The following TARS1 variants were observed in gnomAD, a reference collection of about 807,000 sequenced individuals.
TARS1 encodes the protein threonine--tRNA ligase 1, cytoplasmic.
A neutral mutation model predicts 97.7 loss-of-function variants in TARS1; 57 were observed. The ratio of observed to expected loss-of-function variants is 0.58; its 90% confidence interval spans 0.47 to 0.73. The LOEUF (loss-of-function observed/expected upper bound fraction) is 0.73, where lower values mean the gene tolerates loss of function less well. TARS1 is among the 30% of genes least tolerant of loss of function. TARS1 has a pLI of 0.00. For missense variants in TARS1, 806 were observed against 888.3 expected (o/e 0.91, Z 1.18); for synonymous variants, 312 against 293.7 (o/e 1.06, Z -0.64).
chr5:33,445,379 G>C lies in TARS1; in HGVS notation c.113G>C (p.Gly38Ala), dbSNP rs376051187. 1.4e-5 allele frequency: 22 copies of C among 1,613,464 alleles called. No homozygotes were observed. The African/African-American group carries it at 2.5e-4, about 19-fold the overall frequency. ...KEGGKKKNKE[G>A]SGDGGRAELN... ...GGAGGCAAAAAGAAGAACAAAGAAG[G>C]ATCTGGAGATGGAGGTCGAGCTGAG... Residue 38 changes from glycine to alanine, a missense_variant, in exon 2 of 19, where the codon GGA (glycine) becomes GCA (alanine). Gly to Ala is a moderately conservative substitution (Grantham distance 60). Around this residue, in one of 3 missense-constraint regions of TARS1, gnomAD observed 356 missense variants for 357.8 expected, o/e 0.99. Coordinates refer to ENST00000265112, the MANE Select transcript of TARS1 (RefSeq NM_152295.5).
chr5:33,461,341 G>T (rs1163557906), intron 13 of TARS1, 46 bp downstream of exon 13: 2 of 1,588,740 alleles, frequency 1.3e-6, no homozygotes, highest in East Asian at 4.5e-5. Flanking sequence ...TTTGAAATTG[G>T]CTTGTTCTGA....
chr5:33,452,120 C>T (rs897815694), intron 3 of TARS1, among the ~76,000 whole-genome samples: 2 of 152,126 alleles, frequency 1.3e-5, no homozygotes, highest in African/African-American at 4.8e-5. Context: ...TTGTTGTAAA[C>T]CCTTAGACAT....
chr5:33,467,242 A>T (rs576373582), intron 18 of TARS1, among the ~76,000 whole-genome samples: 2 of 151,688 alleles, frequency 1.3e-5, no homozygotes, highest in African/African-American at 4.8e-5. Flanking sequence ...ATGAAGACGC[A>T]TTGCTTTTAA....
upstream of TARS1, chr5:33,440,749 C>T (rs1316273345): frequency 6.5e-6 from 3 of 458,824 alleles, no homozygotes; most frequent in Non-Finnish European, 1.2e-5. Flanking sequence ...GCATTGGGGA[C>T]TTGACTCTGG....
intron 16 of TARS1, among the ~76,000 whole-genome samples, chr5:33,463,430 C>T (rs17565038): frequency 0.017 from 2,517 of 152,300 alleles, 36 homozygotes; most frequent in Admixed American, 0.035. Flanking sequence ...TTGTTACCTC[C>T]TCTCACAGCC....
At chr5:33,449,981 G>A (rs1165595717) in intron 3 of TARS1, among the ~76,000 whole-genome samples, 1 of 152,084 alleles carries the variant, frequency 6.6e-6, no homozygotes, top group Non-Finnish European at 1.5e-5. Context: ...GTATGGCAAG[G>A]TTTGGGGGAT....
intron 2 of TARS1, among the ~76,000 whole-genome samples, chr5:33,448,148 G>A (rs115142319): frequency 0.012 from 1,791 of 152,278 alleles, 44 homozygotes; most frequent in African/African-American, 0.041. Context: ...AGGCTGACCC[G>A]CTGCACAGAC....
chr5:33,441,049 G>C lies in TARS1; in HGVS notation c.-38G>C, dbSNP rs115792337. The C allele has an allele frequency of 6.2e-7, 1 of 1,614,014 alleles. No homozygotes were observed. Among genetic ancestry groups the C allele is most frequent in the South Asian group, 1.1e-5 (1 of 91,076 alleles). On this transcript the variant is annotated 5_prime_UTR_variant, in exon 1 of 19. Coordinates refer to ENST00000265112, the MANE Select transcript of TARS1 (RefSeq NM_152295.5). ...CCTCTTGGCTCCTCTCCTCTAGGCC[G>C]TCGCTTTCGGGTTCTCTCATCGCTT...
chr5:33,441,271 G>A, intron 1 of TARS1, 128 bp downstream of exon 1: 1 of 1,122,500 alleles, frequency 8.9e-7, no homozygotes, highest in Non-Finnish European at 1.3e-6. Context: ...AGAAGTGGGG[G>A]ATGGTGGGAC....
intron 12 of TARS1, 33 bp downstream of exon 12, chr5:33,461,097 G>T (rs759629899): frequency 6.2e-7 from 1 of 1,606,616 alleles, no homozygotes; most frequent in Admixed American, 1.7e-5. Flanking sequence ...TACTTAGAAA[G>T]AAGAGTCAAG....
intron 3 of TARS1, chr5:33,452,226 C>T (rs896327155): frequency 2.6e-6 from 2 of 775,108 alleles, no homozygotes; most frequent in African/African-American, 1.7e-5. Context: ...ACTTTTTCTT[C>T]ACAGTGTAGA....
In TARS1 at chr5:33,467,628, G is replaced by C; in HGVS notation, c.2092G>C (p.Glu698Gln). Residue 698 changes from glutamate (E) to glutamine (Q), a missense_variant, in exon 19 of 19, where the codon GAA becomes CAA. Glu to Gln is a conservative substitution (Grantham distance 29). This residue lies in a region of TARS1 where 446 missense variants were observed against 511.0 expected (regional missense o/e 0.87). Coordinates refer to ENST00000265112, the MANE Select transcript of TARS1 (RefSeq NM_152295.5). ...CACAAGAGACAATAAGGTCCACGGG[G>C]AACGCACCATTTCTGAAACTATCGA... Reference protein sequence around the residue: ...IRTRDNKVHGERTISETIERL... With the variant: ...IRTRDNKVHGQRTISETIERL... The C allele has an allele frequency of 1.2e-6, 2 of 1,613,990 alleles. No homozygotes were observed. The highest frequency in any genetic ancestry group is 1.7e-6 in the Non-Finnish European group (2 of 1,179,952).
chr5:33,452,345 A>G, intron 3 of TARS1: 1 of 1,535,428 alleles, frequency 6.5e-7, no homozygotes, highest in Non-Finnish European at 8.7e-7. Context: ...CTCTAGTCAC[A>G]CAGCTTCCTG....
chr5:33,460,028 CTTTTT>C, intron 11 of TARS1, 167 bp downstream of exon 11: 7 of 379,722 alleles, frequency 1.8e-5, no homozygotes, highest in South Asian at 1.3e-4. Context: ...TAGATCCCCA[CTTTTT>C]TTTTTTTTTT....
chr5:33,449,691 G>A (rs1741632633), intron 3 of TARS1, among the ~76,000 whole-genome samples: 1 of 151,950 alleles, frequency 6.6e-6, no homozygotes, highest in Admixed American at 6.6e-5. Context: ...TCCTGACCTT[G>A]TGATCCGTCC....
At chr5:33,452,457 A>G in intron 3 of TARS1, 1 of 1,529,376 alleles carries the variant, frequency 6.5e-7, no homozygotes, top group Non-Finnish European at 8.8e-7. Context: ...CTTTATCCTC[A>G]AAGCCTTTCC....
chr5:33,450,628 T>G (rs1741686210), intron 3 of TARS1, among the ~76,000 whole-genome samples: 2 of 152,220 alleles, frequency 1.3e-5, no homozygotes, highest in South Asian at 2.1e-4. Context: ...ATTTTAGAGA[T>G]AATTTTGAAG....
chr5:33,448,304 A>G (rs775598114), intron 2 of TARS1, among the ~76,000 whole-genome samples: 1 of 152,220 alleles, frequency 6.6e-6, no homozygotes, highest in Non-Finnish European at 1.5e-5. Flanking sequence ...ACTTGCTGTA[A>G]ATAGTAGCAA....
Position 33,462,080 on chromosome 5 carries a change from AT to A in TARS1, c.1731-9del, listed in dbSNP as rs141407192. 146 of 1,541,650 alleles carry A rather than the reference AT, an allele frequency of 9.5e-5. No homozygotes were observed. Among genetic ancestry groups the A allele is most frequent in the South Asian group, 3.3e-4 (28 of 85,070 alleles). On this transcript the variant is annotated intron_variant, in intron 15 of 18. Coordinates refer to ENST00000265112, the MANE Select transcript of TARS1 (RefSeq NM_152295.5). Reference sequence around the variant, plus strand: ...AAAATATATATAATAAGACAAAACAATTTTTTTTTTCTTTATAGCCATGATG... The same window carrying A: ...AAAATATATATAATAAGACAAAACAATTTTTTTTTCTTTATAGCCATGATG...
Sources: gnomAD v4.1 joint callset for allele counts (sites outside exome capture counted in the v4.1 genomes callset) on GRCh38, gnomAD v4.1.1 for gene constraint, gnomAD v4.1.1 regional missense constraint, MANE v1.5 for transcripts, NCBI Gene and HGNC (gene_info 2026-07-23, HGNC 2026-07-21) for gene names.